Variants in MYH10 observed in about 807,000 individuals in gnomAD.
MYH10 encodes myosin-10.
A neutral mutation model predicts 257.8 loss-of-function variants in MYH10; 55 were observed. The observed-to-expected ratio is 0.21, with a 90% CI of 0.17 to 0.27. The LOEUF is 0.27. Ranked by LOEUF, MYH10 falls within the 10% of genes least tolerant of loss-of-function variation. The pLI is 1.00. For missense variants in MYH10, 1,631 were observed against 2,500.6 expected, an observed-to-expected ratio of 0.65 and a Z score of 7.42; for synonymous variants, 854 against 921.7, an observed-to-expected ratio of 0.93 and a Z score of 1.33.
chr17:8,626,787 T>C (rs1296898145), intron 1 of MYH10, among the ~76,000 whole-genome samples: 4 of 152,112 alleles, frequency 2.6e-5, no homozygotes, highest in Admixed American at 2.6e-4. Context: ...CTTACTATTC[T>C]TATCAGGTGT....
At chr17:8,505,279 A>G (rs2081037924) in intron 27 of MYH10, among the ~76,000 whole-genome samples, 1 of 152,242 alleles carries the variant, frequency 6.6e-6, no homozygotes, top group African/African-American at 2.4e-5. Context: ...ACTATGAAGG[A>G]GTGACCTCCT....
rs533984312 is a variant in MYH10 at position 8,545,783 on chromosome 17, G to A, written c.1279-183C>T. On this transcript the variant is annotated intron_variant, in intron 12 of 42. Transcript: ENST00000360416. The surrounding 1 kb of genome is among the most constrained non-coding windows in gnomAD (Gnocchi z 4.7). ...ATTAGAAGAATTAAATGAACACAGG[G>A]AATAACGAATTTGGGGGATGGGTAA... Among the ~76,000 whole-genome samples the A allele has an allele frequency of 6.6e-6, 1 of 152,254 alleles. No homozygotes were observed. The highest frequency in any genetic ancestry group is 1.5e-5 in the Non-Finnish European group (1 of 68,030).
intron 17 of MYH10, among the ~76,000 whole-genome samples, chr17:8,522,099 T>C (rs1044353296): frequency 3.3e-5 from 5 of 152,236 alleles, no homozygotes; most frequent in South Asian, 4.1e-4. Context: ...ATAATGTACA[T>C]ATCCTCTTAT....
intron 33 of MYH10, 122 bp from the exon 34 acceptor site, chr17:8,492,631 C>CTTTTTTTTTTTTTTTTTTTTTTCTTTTT: frequency 1.1e-6 from 1 of 949,304 alleles, no homozygotes; most frequent in Non-Finnish European, 1.5e-6. Context: ...CTTGTATTTC[C>CTTTTTTTTTTTTTTTTTTTTTTCTTTTT]TTTTTTTTTT....
rs2081964770 is a variant in MYH10 at position 8,529,996 on chromosome 17, T to C, written c.1957+627A>G. Among the ~76,000 whole-genome samples, 2 of 152,166 alleles carry C rather than the reference T, an allele frequency of 1.3e-5. 1 individual carries two copies. Among genetic ancestry groups the C allele is most frequent in the South Asian group, 4.1e-4 (2 of 4,836 alleles). ...GTTCAATGTATAATTCTGACAACAT[T>C]CCACTCTATTTTAGTCTCAACTTGC... On this transcript the variant is annotated intron_variant, in intron 17 of 42. Transcript: ENST00000360416.
chr17:8,540,884 C>T (rs567970514), intron 14 of MYH10, among the ~76,000 whole-genome samples: 3 of 152,150 alleles, frequency 2.0e-5, no homozygotes, highest in Non-Finnish European at 4.4e-5. Flanking sequence ...GCACAAGTTA[C>T]CTGGAAGTCA....
At position 8,490,323 on chromosome 17, in the gene MYH10, C is replaced by T. The variant is rs561600939; in HGVS notation, c.4884+17G>A. The T allele has an allele frequency of 3.2e-5, 52 of 1,611,304 alleles. No homozygotes were observed. The highest frequency in any genetic ancestry group is 4.5e-5 in the East Asian group (2 of 44,888). On this transcript the variant is annotated intron_variant, in intron 35 of 42. Coordinates refer to ENST00000360416, the MANE Select transcript of MYH10 (RefSeq NM_001256012.3). This position sits in a 1 kb window ranked among gnomAD's most constrained non-coding sequence, Gnocchi z 4.1. ...AGCCTGCACCCCTTGTTGTGGAGGC[C>T]GCACCCTCTGCCCTACCTGTTTGAT...
At position 8,477,086 on chromosome 17, in the gene MYH10, G is replaced by A; in HGVS notation, c.5707-38C>T. ...ACATGAACCAAAACAAACCAAACTG[G>A]TGAATCCAGTGTCGGCCTCTCTGTA... On this transcript the variant is annotated intron_variant, in intron 41 of 42. Transcript: ENST00000360416. This position sits in a 1 kb window ranked among gnomAD's most constrained non-coding sequence, Gnocchi z 4.2. 6.2e-7 allele frequency: 1 copy of A among 1,610,150 alleles called. No individual in the cohort carries two copies. Among genetic ancestry groups the A allele is most frequent in the Non-Finnish European group, 8.5e-7 (1 of 1,178,102 alleles).
chr17:8,483,525 G>A (rs935065517), intron 37 of MYH10, among the ~76,000 whole-genome samples: 5 of 152,208 alleles, frequency 3.3e-5, no homozygotes, highest in Admixed American at 1.3e-4. Context: ...TGTATTGGGA[G>A]TTTTTTCATA....
At chr17:8,476,768 G>A (rs1912709156) in intron 42 of MYH10, 108 bp downstream of exon 42, 1 of 1,191,794 alleles carries the variant, frequency 8.4e-7, no homozygotes, top group East Asian at 2.6e-5. Context: ...AGAAAGAATG[G>A]GTCACTGGGT....
intron 17 of MYH10, among the ~76,000 whole-genome samples, chr17:8,524,449 CAA>C (rs541255427): frequency 1.6e-5 from 1 of 62,128 alleles, no homozygotes; most frequent in Non-Finnish European, 2.8e-5. Flanking sequence ...GACTCTGTCT[CAA>C]AAAAAAAAAA....
At chr17:8,549,848 G>A (rs1371947762) in intron 9 of MYH10, among the ~76,000 whole-genome samples, 1 of 150,540 alleles carries the variant, frequency 6.6e-6, no homozygotes, top group African/African-American at 2.4e-5. Flanking sequence ...GAAAGCTCGC[G>A]CCGCCACGCC....
intron 4 of MYH10, among the ~76,000 whole-genome samples, chr17:8,582,809 G>A (rs1041563476): frequency 3.9e-5 from 6 of 152,208 alleles, no homozygotes; most frequent in African/African-American, 1.4e-4. Context: ...TTTCCCCAAT[G>A]AGAAACCCCT....
At chr17:8,523,289 C>T (rs1250182297) in intron 17 of MYH10, among the ~76,000 whole-genome samples, 1 of 152,190 alleles carries the variant, frequency 6.6e-6, no homozygotes, top group Non-Finnish European at 1.5e-5. Flanking sequence ...GTGTTGCATC[C>T]CTGCTCCCTG....
chr17:8,613,934 AAAC>A (rs1173320231), intron 2 of MYH10, among the ~76,000 whole-genome samples: 2 of 152,210 alleles, frequency 1.3e-5, no homozygotes, highest in Non-Finnish European at 2.9e-5. Context: ...CTTTGCAAGA[AAAC>A]AACAGTCAAT....
intron 2 of MYH10, among the ~76,000 whole-genome samples, chr17:8,611,799 G>A (rs1473727868): frequency 2.6e-5 from 4 of 152,174 alleles, no homozygotes; most frequent in Non-Finnish European, 5.9e-5. Flanking sequence ...AAGTATGTGA[G>A]TCCAAGAAGG....
intron 35 of MYH10, among the ~76,000 whole-genome samples, chr17:8,488,484 G>A (rs146691703): frequency 1.5e-4 from 23 of 152,208 alleles, no homozygotes; most frequent in African/African-American, 4.1e-4. Context: ...TGAATGTTTC[G>A]TCATGTATTT....
chr17:8,482,862 C>T (rs1220913748), intron 37 of MYH10, among the ~76,000 whole-genome samples: 1 of 152,218 alleles, frequency 6.6e-6, no homozygotes, highest in East Asian at 1.9e-4. Context: ...AGCCACATCG[C>T]CTTTGGGGAA....
intron 4 of MYH10, among the ~76,000 whole-genome samples, chr17:8,588,512 T>A (rs995981773): frequency 1.3e-5 from 2 of 152,196 alleles, no homozygotes; most frequent in African/African-American, 4.8e-5. Flanking sequence ...CCTCCTAAAC[T>A]GAACACCGCT....
Sources: allele counts gnomAD v4.1 joint callset (sites outside exome capture counted in the v4.1 genomes callset), GRCh38; gene constraint gnomAD v4.1.1; non-coding constraint Gnocchi (gnomAD v3.1); transcripts MANE v1.5; gene names NCBI Gene and HGNC (gene_info 2026-07-23, HGNC 2026-07-21).